The following MORN1 variants were observed in gnomAD, a reference collection of about 807,000 sequenced individuals.
MORN1 encodes MORN repeat containing 1.
MORN1 carries 67 observed loss-of-function variants against 61.9 expected under a neutral mutation model. The ratio of observed to expected loss-of-function variants is 1.08; its 90% CI spans 0.89 to 1.33. The LOEUF is 1.33. Ranked by LOEUF, MORN1 falls within the 40% of genes most tolerant of loss-of-function variation. MORN1 has a pLI of 0.00. For synonymous variants in MORN1, 301 were observed against 292.0 expected (o/e 1.03, Z -0.31); for missense variants, 752 against 691.2 (o/e 1.09, Z -0.99).
chr1:2,331,499 C>T (rs1047305585), intron 12 of MORN1, among the ~76,000 whole-genome samples: 1 of 152,204 alleles, frequency 6.6e-6, no homozygotes, highest in African/African-American at 2.4e-5. Context: ...CAGGACCCTC[C>T]TTTCTGGCCA....
intron 6 of MORN1, among the ~76,000 whole-genome samples, chr1:2,382,102 G>C (rs1642385073): frequency 6.6e-6 from 1 of 152,224 alleles, no homozygotes; most frequent in Non-Finnish European, 1.5e-5. Flanking sequence ...GACAGGGCTA[G>C]GCTGGGAGTG....
At chr1:2,332,559 A>G (rs995342994) in intron 12 of MORN1, 1 of 455,632 alleles carries the variant, frequency 2.2e-6, no homozygotes, top group Non-Finnish European at 4.4e-6. Context: ...GGGAATGGGC[A>G]GTGCTGTGAG....
Position 2,391,518 on chromosome 1 carries a change from C to T in MORN1, c.16G>A (p.Glu6Lys). Residue 6 changes from glutamate (E) to lysine (K), a missense_variant, in exon 1 of 14, where the codon GAG becomes AAG. Physicochemically the swap from Glu to Lys is moderately conservative, Grantham distance 56. Transcript: ENST00000378531. Reference protein sequence around the residue: MAAAGEGTPSSRGPRR... With the variant: MAAAGKGTPSSRGPRR... ...GGCCCGCGGGAGCTCGGGGTGCCCT[C>T]GCCCGCCGCTGCCATCTTGCCGCCG... is the stretch of plus-strand genomic sequence containing the variant. 8.0e-7 allele frequency: 1 copy of T among 1,250,048 alleles called. No individual in the cohort carries two copies. Among genetic ancestry groups the T allele is most frequent in the Non-Finnish European group, 1.0e-6 (1 of 991,368 alleles). The allele number at this position is 1,250,048 out of a possible 1,614,324, so 77.4% of individuals were successfully genotyped here. A position where few individuals can be genotyped will look rare whatever the true frequency, so the allele number is the denominator to read the frequency against.
intron 10 of MORN1, chr1:2,355,203 G>A: frequency 3.1e-6 from 4 of 1,275,200 alleles, no homozygotes; most frequent in Non-Finnish European, 4.0e-6. Flanking sequence ...GCAGAAATAT[G>A]AGAGCTATTC....
Position 2,372,922 on chromosome 1 carries a change from G to A in MORN1, c.635-331C>T, listed in dbSNP as rs903114639. ...TCCTGCCCGTGGAATGTTCCCGCAC[G>A]TCTTCCCGCTGGTCGGGATTTAGGC... On this transcript the variant is annotated intron_variant, in intron 7 of 13. Coordinates refer to ENST00000378531, the MANE Select transcript of MORN1 (RefSeq NM_024848.3). This position sits in a 1 kb window ranked among gnomAD's most constrained non-coding sequence, Gnocchi z 5.4. 2.0e-5 allele frequency among the ~76,000 whole-genome samples: 3 copies of A among 152,254 alleles called. No homozygotes were observed. The highest frequency in any genetic ancestry group is 4.4e-5 in the Non-Finnish European group (3 of 68,048).
intron 13 of MORN1, chr1:2,323,243 C>G (rs1640923709): frequency 1.0e-6 from 1 of 985,360 alleles, no homozygotes. Flanking sequence ...CTGGCTACAG[C>G]CCCGGCCACA....
In MORN1 at chr1:2,341,061, C is replaced by T. The variant is rs140050824; in HGVS notation, c.1037-4211G>A. On this transcript the variant is annotated intron_variant, in intron 10 of 13. Transcript: ENST00000378531. ...CCCTGGCACTGCTACTCGTCTGGTG[C>T]AGGCTGGCCTTGCCCTTCTGTCCCG... 8.1e-3 allele frequency among the ~76,000 whole-genome samples: 1,239 copies of T among 152,370 alleles called. 17 individuals carry two copies. The highest frequency in any genetic ancestry group is 0.028 in the African/African-American group (1,185 of 41,590).
rs1352503447 is a variant in MORN1, at chr1:2,372,961, C to T, written c.635-370G>A. ...CGGGATTTAGGCCCTGCATTCCCTG[C>T]ATCTGAGTCAGCACCCTGAGGTGCT... On this transcript the variant is annotated intron_variant, in intron 7 of 13. Coordinates refer to ENST00000378531, the MANE Select transcript of MORN1 (RefSeq NM_024848.3). The surrounding 1 kb of genome is among the most constrained non-coding windows in gnomAD (Gnocchi z 5.4). Among the ~76,000 whole-genome samples the T allele has an allele frequency of 1.3e-5, 2 of 152,274 alleles. No individual in the cohort carries two copies. Among genetic ancestry groups the T allele is most frequent in the Non-Finnish European group, 2.9e-5 (2 of 68,048 alleles).
chr1:2,389,901 G>A (rs1570061293), intron 2 of MORN1, 24 bp downstream of exon 2: 5 of 1,609,552 alleles, frequency 3.1e-6, no homozygotes, highest in Non-Finnish European at 3.4e-6. Context: ...GCAGCTGCAA[G>A]AAGAGACCAC....
intron 8 of MORN1, among the ~76,000 whole-genome samples, chr1:2,365,656 C>A (rs1354856226): frequency 6.6e-6 from 1 of 151,780 alleles, no homozygotes; most frequent in African/African-American, 2.4e-5. Context: ...GGGAATGCTT[C>A]CAGTTTTTGC....
At chr1:2,380,224 G>A (rs1031196835) in intron 6 of MORN1, among the ~76,000 whole-genome samples, 2 of 152,224 alleles carry the variant, frequency 1.3e-5, no homozygotes, top group African/African-American at 2.4e-5. Flanking sequence ...GGGTTGGAGC[G>A]TGGGGAGTTC....
chr1:2,344,728 TG>T (rs1392529852), intron 10 of MORN1, among the ~76,000 whole-genome samples: 1 of 152,126 alleles, frequency 6.6e-6, no homozygotes, highest in Non-Finnish European at 1.5e-5. Flanking sequence ...GGGAGCGCTG[TG>T]CCAACTCACA....
At chr1:2,362,118 G>C (rs1641902083) in intron 8 of MORN1, among the ~76,000 whole-genome samples, 1 of 152,156 alleles carries the variant, frequency 6.6e-6, no homozygotes, top group Non-Finnish European at 1.5e-5. Context: ...TGTAGTCCCA[G>C]CTACTCGGGA....
chr1:2,384,245 T>C (rs1338355212), intron 6 of MORN1, among the ~76,000 whole-genome samples: 2 of 152,222 alleles, frequency 1.3e-5, no homozygotes, highest in African/African-American at 4.8e-5. Flanking sequence ...GGCACCAACC[T>C]TGACTCTTCT....
At chr1:2,326,733 C>T (rs532849984) in intron 12 of MORN1, 8 of 152,700 alleles carry the variant, frequency 5.2e-5, no homozygotes, top group Admixed American at 4.6e-4. Context: ...CCGGCGCCAT[C>T]TCCTGCCAGT....
intron 8 of MORN1, among the ~76,000 whole-genome samples, chr1:2,369,341 A>G (rs1188167102): frequency 1.3e-5 from 2 of 149,766 alleles, no homozygotes; most frequent in Admixed American, 6.7e-5. Flanking sequence ...ATGACAGAGC[A>G]AAACTCAGTC....
intron 6 of MORN1, among the ~76,000 whole-genome samples, chr1:2,384,508 A>C (rs1642443046): frequency 6.6e-6 from 1 of 152,290 alleles, no homozygotes; most frequent in Non-Finnish European, 1.5e-5. Context: ...TGTAAGAAAA[A>C]ATTTGCATCC....
intron 5 of MORN1, 121 bp from the exon 6 acceptor site, chr1:2,385,186 G>A (rs543832955): frequency 1.2e-4 from 119 of 1,003,678 alleles, no homozygotes; most frequent in South Asian, 6.9e-4. Flanking sequence ...AAATAGGCCC[G>A]AGCAGATGGC....
At chr1:2,341,339 C>A (rs924442565) in intron 10 of MORN1, among the ~76,000 whole-genome samples, 1 of 151,924 alleles carries the variant, frequency 6.6e-6, no homozygotes, top group Non-Finnish European at 1.5e-5. Context: ...CCTTCCTGGG[C>A]ATCACCCTGC....
Sources: allele counts gnomAD v4.1 joint callset (sites outside exome capture counted in the v4.1 genomes callset), GRCh38; gene constraint gnomAD v4.1.1; non-coding constraint Gnocchi (gnomAD v3.1); transcripts MANE v1.5; gene names NCBI Gene and HGNC (gene_info 2026-07-23, HGNC 2026-07-21).